AFG1L: variants seen among roughly 807,000 people sequenced by gnomAD.
The protein encoded by AFG1L is AFG1 like ATPase, also known as AFG1-like ATPase.
AFG1L carries 53 observed loss-of-function variants against 62.2 expected under a neutral mutation model. The ratio of observed to expected loss-of-function variants is 0.85; its 90% confidence interval spans 0.68 to 1.07. AFG1L has a LOEUF of 1.07. Among genes scored for constraint, AFG1L ranks in the 50% least tolerant of loss-of-function variants. AFG1L has a pLI of 0.00. For synonymous variants in AFG1L, 228 were observed against 210.3 expected, an observed-to-expected ratio of 1.08 and a Z score of -0.73; for missense variants, 555 against 590.5, an observed-to-expected ratio of 0.94 and a Z score of 0.62.
chr6:108,394,605 T>C (rs1436601881), intron 6 of AFG1L, among the ~76,000 whole-genome samples: 1 of 152,260 alleles, frequency 6.6e-6, no homozygotes, highest in Non-Finnish European at 1.5e-5. Flanking sequence ...TGGCTTCTTT[T>C]ACTCTGCATA....
chr6:108,401,446 G>A (rs1426925879), intron 6 of AFG1L, among the ~76,000 whole-genome samples: 5 of 151,984 alleles, frequency 3.3e-5, no homozygotes, highest in Non-Finnish European at 7.4e-5. Context: ...CCGGCCGCCT[G>A]GCTAATTTTT....
At chr6:108,492,635 G>A (rs940030669) in intron 10 of AFG1L, among the ~76,000 whole-genome samples, 2 of 152,138 alleles carry the variant, frequency 1.3e-5, no homozygotes, top group Admixed American at 1.3e-4. Flanking sequence ...ACCTTTTCCA[G>A]TGGGAAATTA....
chr6:108,414,952 ATT>A, intron 7 of AFG1L, among the ~76,000 whole-genome samples: 1 of 152,348 alleles, frequency 6.6e-6, no homozygotes, highest in Non-Finnish European at 1.5e-5. Context: ...AATAAAGGGT[ATT>A]CAATTAGGAA....
At chr6:108,429,898 A>G (rs1770995776) in intron 7 of AFG1L, among the ~76,000 whole-genome samples, 1 of 152,096 alleles carries the variant, frequency 6.6e-6, no homozygotes, top group Non-Finnish European at 1.5e-5. Flanking sequence ...AGATTCTTCC[A>G]ATCAATGAGC....
intron 1 of AFG1L, among the ~76,000 whole-genome samples, chr6:108,301,254 T>C (rs188550194): frequency 1.3e-5 from 2 of 152,266 alleles, no homozygotes; most frequent in East Asian, 3.9e-4. Context: ...GCCAACCTCC[T>C]ATCTCATCCT....
At chr6:108,441,744 G>A (rs1429578229) in intron 7 of AFG1L, among the ~76,000 whole-genome samples, 1 of 138,970 alleles carries the variant, frequency 7.2e-6, no homozygotes, top group Non-Finnish European at 1.5e-5. Context: ...CTGAGTGTTA[G>A]TATTTTTCAG....
At chr6:108,498,931 G>A (rs903356993) in intron 10 of AFG1L, among the ~76,000 whole-genome samples, 6 of 151,960 alleles carry the variant, frequency 3.9e-5, no homozygotes, top group African/African-American at 1.2e-4. Context: ...CCAAGATTGC[G>A]CCACTGCACT....
chr6:108,424,488 G>A (rs1770730153), intron 7 of AFG1L, among the ~76,000 whole-genome samples: 1 of 151,954 alleles, frequency 6.6e-6, no homozygotes, highest in Non-Finnish European at 1.5e-5. Flanking sequence ...CATTTACGAA[G>A]GGCTTAGTCA....
chr6:108,363,765 A>G (rs1562109748), intron 5 of AFG1L, among the ~76,000 whole-genome samples: 2 of 152,080 alleles, frequency 1.3e-5, no homozygotes, highest in Non-Finnish European at 2.9e-5. Flanking sequence ...TCTATCAGCT[A>G]TCAATATCAT....
At chr6:108,397,223 G>C (rs747582819) in intron 6 of AFG1L, among the ~76,000 whole-genome samples, 51 of 152,046 alleles carry the variant, frequency 3.4e-4, no homozygotes, top group Admixed American at 1.1e-3. Context: ...CACCTTCTGG[G>C]TTCAAGCGAT....
chr6:108,387,191 A>T (rs1394221767), intron 6 of AFG1L, among the ~76,000 whole-genome samples: 1 of 152,254 alleles, frequency 6.6e-6, no homozygotes, highest in Non-Finnish European at 1.5e-5. Context: ...TTAGTGCCAG[A>T]TTAAATAAAC....
intron 1 of AFG1L, among the ~76,000 whole-genome samples, chr6:108,314,788 C>T (rs1332513642): frequency 6.6e-6 from 1 of 151,990 alleles, no homozygotes; most frequent in African/African-American, 2.4e-5. Flanking sequence ...CTCAATCCTA[C>T]TTACAAAATC....
At chr6:108,439,987 A>G (rs1771470929) in intron 7 of AFG1L, among the ~76,000 whole-genome samples, 1 of 152,186 alleles carries the variant, frequency 6.6e-6, no homozygotes, top group Non-Finnish European at 1.5e-5. Context: ...TATCAAAAAA[A>G]TTAAGCATAG....
chr6:108,355,939 A>G (rs909228027), intron 4 of AFG1L, among the ~76,000 whole-genome samples, 184 bp downstream of exon 4: 2 of 152,162 alleles, frequency 1.3e-5, no homozygotes, highest in African/African-American at 2.4e-5. Flanking sequence ...GGTCCTTAAG[A>G]CCAATTTAAT....
At chr6:108,493,789 C>A (rs1773858742) in intron 10 of AFG1L, among the ~76,000 whole-genome samples, 1 of 152,138 alleles carries the variant, frequency 6.6e-6, no homozygotes, top group South Asian at 2.1e-4. Flanking sequence ...TTTAGCGATG[C>A]TCATTAATGA....
intron 6 of AFG1L, among the ~76,000 whole-genome samples, chr6:108,376,323 C>T (rs1159454815): frequency 1.3e-5 from 2 of 151,832 alleles, no homozygotes; most frequent in Non-Finnish European, 2.9e-5. Context: ...CAGTTGTGCT[C>T]TGATTTTAGT....
intron 10 of AFG1L, among the ~76,000 whole-genome samples, chr6:108,485,388 C>T (rs1306612321): frequency 6.6e-6 from 1 of 151,510 alleles, no homozygotes; most frequent in African/African-American, 2.4e-5. Flanking sequence ...CAGAGGGTCT[C>T]AATGGAAGAG....
chr6:108,394,091 T>C (rs1285252536), intron 6 of AFG1L, among the ~76,000 whole-genome samples: 2 of 144,768 alleles, frequency 1.4e-5, no homozygotes, highest in Non-Finnish European at 3.0e-5. Context: ...CTCTTTTCTC[T>C]TTCTCTCTTT....
intron 11 of AFG1L, among the ~76,000 whole-genome samples, chr6:108,514,984 C>G (rs1774819056): frequency 6.6e-6 from 1 of 152,066 alleles, no homozygotes; most frequent in African/African-American, 2.4e-5. Context: ...ACAGGAGCAC[C>G]CAGATTAATA....
Sources: allele counts gnomAD v4.1 joint callset (sites outside exome capture counted in the v4.1 genomes callset), GRCh38; gene constraint gnomAD v4.1.1; transcripts MANE v1.5; gene names NCBI Gene and HGNC (gene_info 2026-07-23, HGNC 2026-07-21).